CLMP: variants seen among roughly 807,000 people sequenced by gnomAD.
CLMP encodes the protein CXADR-like membrane protein.
CLMP carries 27 observed loss-of-function variants against 45.2 expected under a neutral mutation model. The ratio of observed to expected loss-of-function variants is 0.60; its 90% CI spans 0.44 to 0.82. The LOEUF (loss-of-function observed/expected upper bound fraction) is 0.82. CLMP is among the 40% of genes least tolerant of loss of function. CLMP has a pLI of 0.00. For missense variants in CLMP, 403 were observed against 448.4 expected (o/e 0.90, Z 0.91); for synonymous variants, 167 against 171.4 (o/e 0.97, Z 0.20).
At position 123,078,775 on chromosome 11, in the gene CLMP, G is replaced by A. The variant is rs1865769251; in HGVS notation, c.680-3932C>T. ...TTCTCCTGCCTCAGCCTCCCGAGTA[G>A]CTGGGACTACAGGTGCCTGCCACCA... On this transcript the variant is annotated intron_variant, in intron 5 of 6. Transcript: ENST00000448775. Among the ~76,000 whole-genome samples, 3 of 151,970 alleles carry A rather than the reference G, an allele frequency of 2.0e-5. No individual in the cohort carries two copies. The South Asian group carries it at 6.2e-4, about 32-fold the overall frequency.
At chr11:123,137,816 A>C (rs1051293590) in intron 1 of CLMP, among the ~76,000 whole-genome samples, 4 of 152,096 alleles carry the variant, frequency 2.6e-5, no homozygotes, top group Admixed American at 2.6e-4. Flanking sequence ...TTGAAACCAC[A>C]TGTGCTGGAG....
intron 1 of CLMP, among the ~76,000 whole-genome samples, chr11:123,150,483 G>GAAAGAAA (rs1491432736): frequency 5.4e-5 from 5 of 92,340 alleles, no homozygotes; most frequent in African/African-American, 1.9e-4. Flanking sequence ...AAGAAAGAAA[G>GAAAGAAA]GAAGGAAGGA....
chr11:123,089,789 A>AG (rs1262820094), intron 2 of CLMP, among the ~76,000 whole-genome samples: 2 of 137,434 alleles, frequency 1.5e-5, no homozygotes, highest in Non-Finnish European at 3.1e-5. Context: ...AAAAAAAAAA[A>AG]AAAAGAAAAA....
In CLMP at chr11:123,185,433, G is replaced by A. The variant is rs1425524190; in HGVS notation, c.28+9480C>T. Among the ~76,000 whole-genome samples, 6 of 152,170 alleles carry A rather than the reference G, an allele frequency of 3.9e-5. No homozygotes were observed. In the South Asian group the frequency reaches 1.0e-3, roughly 26 times the overall value. On this transcript the variant is annotated intron_variant, in intron 1 of 6. Transcript: ENST00000448775. ...GCAGGAGGAAGGTCAGGCTGAGGCA[G>A]CAGCATGTGGGGACGGTCACCTGCA...
chr11:123,169,503 T>C (rs1861601686), intron 1 of CLMP, among the ~76,000 whole-genome samples: 1 of 152,194 alleles, frequency 6.6e-6, no homozygotes, highest in African/African-American at 2.4e-5. Flanking sequence ...ATCTTGTCCA[T>C]CTTCCAGTCT....
intron 1 of CLMP, chr11:123,135,956 T>C (rs906390571): frequency 5.4e-6 from 3 of 556,632 alleles, no homozygotes; most frequent in Non-Finnish European, 1.1e-5. Flanking sequence ...CTCCCACAAA[T>C]CTACCGGGTA....
intron 1 of CLMP, among the ~76,000 whole-genome samples, chr11:123,153,460 C>T (rs775889129): frequency 6.6e-6 from 1 of 152,158 alleles, no homozygotes; most frequent in Non-Finnish European, 1.5e-5. Flanking sequence ...AAGACAAAAT[C>T]CTCCTTCCTT....
intron 1 of CLMP, among the ~76,000 whole-genome samples, chr11:123,132,534 C>G (rs142891100): frequency 6.6e-6 from 1 of 152,170 alleles, no homozygotes; most frequent in South Asian, 2.1e-4. Context: ...TCTTGGCTCA[C>G]GGCAACCTCC....
At chr11:123,187,626 G>T (rs181701828) in intron 1 of CLMP, among the ~76,000 whole-genome samples, 1 of 152,190 alleles carries the variant, frequency 6.6e-6, no homozygotes, top group Non-Finnish European at 1.5e-5. Context: ...CAAACCTGGG[G>T]TGAGTAGATG....
intron 1 of CLMP, among the ~76,000 whole-genome samples, chr11:123,174,236 A>G (rs192197750): frequency 1.1e-3 from 173 of 152,266 alleles, no homozygotes; most frequent in African/African-American, 4.1e-3. Context: ...TGCTCCTTCT[A>G]CTGCACTGTG....
intron 1 of CLMP, among the ~76,000 whole-genome samples, chr11:123,146,890 A>G (rs1397846331): frequency 6.6e-6 from 1 of 152,104 alleles, no homozygotes; most frequent in Non-Finnish European, 1.5e-5. Flanking sequence ...CACTTATCGG[A>G]TTGAATGGGG....
At chr11:123,163,776 T>C (rs1861519332) in intron 1 of CLMP, among the ~76,000 whole-genome samples, 2 of 152,118 alleles carry the variant, frequency 1.3e-5, no homozygotes, top group African/African-American at 2.4e-5. Flanking sequence ...CAGAATTAAT[T>C]TGCGTGGAGG....
At chr11:123,162,417 G>A (rs1861498105) in intron 1 of CLMP, among the ~76,000 whole-genome samples, 1 of 152,190 alleles carries the variant, frequency 6.6e-6, no homozygotes, top group Admixed American at 6.5e-5. Context: ...ACAGGAACGT[G>A]TATAATGTAT....
At chr11:123,182,134 A>G (rs149013835) in intron 1 of CLMP, among the ~76,000 whole-genome samples, 1 of 152,354 alleles carries the variant, frequency 6.6e-6, no homozygotes, top group Non-Finnish European at 1.5e-5. Flanking sequence ...CTCAGCACCC[A>G]TTTAAAAGAC....
chr11:123,129,240 G>A (rs930008614), intron 1 of CLMP, among the ~76,000 whole-genome samples: 1 of 151,546 alleles, frequency 6.6e-6, no homozygotes, highest in Non-Finnish European at 1.5e-5. Flanking sequence ...TGAGGCAGGA[G>A]AATTGCTTGA....
At chr11:123,188,271 C>T (rs1026663634) in intron 1 of CLMP, among the ~76,000 whole-genome samples, 18 of 152,144 alleles carry the variant, frequency 1.2e-4, no homozygotes, top group African/African-American at 4.3e-4. Flanking sequence ...TGGATGTAAG[C>T]CCTAAAGAAG....
chr11:123,118,327 G>T (rs1177718905), intron 1 of CLMP, among the ~76,000 whole-genome samples: 1 of 152,026 alleles, frequency 6.6e-6, no homozygotes, highest in East Asian at 1.9e-4. Context: ...TAGAGACAAG[G>T]TTTCAACATG....
In CLMP at chr11:123,070,637, C is replaced by G. The variant is rs997453222; in HGVS notation, c.*2837G>C. 1 of 152,192 alleles carries G rather than the reference C, an allele frequency of 6.6e-6. No homozygotes were observed. The highest frequency in any genetic ancestry group is 2.4e-5 in the African/African-American group (1 of 41,448). 9.4% of individuals were successfully genotyped at this position (152,192 alleles called of 1,614,324 possible). On this transcript the variant is annotated 3_prime_UTR_variant, in exon 7 of 7. Transcript: ENST00000448775. ...CAAATTGCTAGTGATGATACAGCTG[C>G]AGCTTCCGTTGTGTATTTGTTTGGC...
At chr11:123,157,847 T>C (rs1861436111) in intron 1 of CLMP, among the ~76,000 whole-genome samples, 1 of 151,358 alleles carries the variant, frequency 6.6e-6, no homozygotes, top group Non-Finnish European at 1.5e-5. Context: ...TAAGTGCAAG[T>C]GGTTCCATTG....
Sources: allele counts gnomAD v4.1 joint callset (sites outside exome capture counted in the v4.1 genomes callset), GRCh38; gene constraint gnomAD v4.1.1; transcripts MANE v1.5; gene names NCBI Gene and HGNC (gene_info 2026-07-23, HGNC 2026-07-21).